Variants in BAG6 observed in about 807,000 individuals in gnomAD.
The protein encoded by BAG6 is large proline-rich protein BAG6.
A neutral mutation model predicts 121.0 loss-of-function variants in BAG6; 22 were observed. The ratio of observed to expected loss-of-function variants is 0.18; its 90% CI spans 0.13 to 0.26. The LOEUF is 0.26. Ranked by LOEUF, BAG6 falls within the 10% of genes least tolerant of loss-of-function variation. The pLI is 1.00. For synonymous variants in BAG6, 583 were observed against 584.6 expected (o/e 1.00, Z 0.04); for missense variants, 1,233 against 1,537.7 (o/e 0.80, Z 3.31).
At chr6:31,650,948 C>G (rs976803864) in intron 2 of BAG6, among the ~76,000 whole-genome samples, 19 of 152,194 alleles carry the variant, frequency 1.2e-4, no homozygotes, top group Non-Finnish European at 2.5e-4. Flanking sequence ...TATCAAGGAC[C>G]TATCTCCATT....
intron 4 of BAG6, 106 bp downstream of exon 4, chr6:31,649,093 C>G: frequency 1.3e-6 from 2 of 1,520,048 alleles, no homozygotes; most frequent in Non-Finnish European, 1.8e-6. Context: ...ACCACAGGGC[C>G]CCCTGAACCC....
intron 1 of BAG6, 63 bp downstream of exon 1, chr6:31,652,339 ACACACACACACACACACACACC>A (rs1407432121): frequency 1.3e-5 from 2 of 150,124 alleles, no homozygotes; most frequent in Non-Finnish European, 2.9e-5. Flanking sequence ...ACACACACAC[ACACACACACACACACACACACC>A]CACCACCCCG....
rs1391804566 is a variant in BAG6, at chr6:31,647,914, C to T, written c.553-88G>A. ...ACAGGAGACTGAACAGAGAAAGTAT[C>T]CTAACTAGACTCCCTGAAGGCATGG... On this transcript the variant is annotated intron_variant, in intron 6 of 25. Transcript: ENST00000676615. The T allele has an allele frequency of 4.2e-6, 6 of 1,421,328 alleles. No homozygotes were observed. The African/African-American group carries it at 4.4e-5, about 11-fold the overall frequency. The allele number at this position is 1,421,328 out of a possible 1,614,324, so 88.0% of individuals were successfully genotyped here. A position where few individuals can be genotyped will look rare whatever the true frequency, so the allele number is the denominator to read the frequency against.
At position 31,639,101 on chromosome 6, in the gene BAG6, C is replaced by T; in HGVS notation, c.*30G>A. On this transcript the variant is annotated 3_prime_UTR_variant, in exon 26 of 26. Coordinates refer to ENST00000676615, the MANE Select transcript of BAG6 (RefSeq NM_001387994.1). ...TGAAGGAAGAGGGGGGAAACGGTCCCCTGATGAGGAAGGGCCATAGAGCAA... is the reference window on the plus strand; with the variant it reads ...TGAAGGAAGAGGGGGGAAACGGTCCTCTGATGAGGAAGGGCCATAGAGCAA... 6.4e-7 allele frequency: 1 copy of T among 1,566,492 alleles called. No individual in the cohort carries two copies. Among genetic ancestry groups the T allele is most frequent in the Non-Finnish European group, 8.7e-7 (1 of 1,144,646 alleles).
In BAG6 at chr6:31,645,401, AC is replaced by A; in HGVS notation, c.1116+5del. ...TCTCCCTCAGGCCAGACTCCCCCTA[AC>A]CCACCTGTATGGGAATGGCTGCCTG... On this transcript the variant is annotated splice_donor_5th_base_variant and intron_variant, in intron 9 of 25. Coordinates refer to ENST00000676615, the MANE Select transcript of BAG6 (RefSeq NM_001387994.1). 6.2e-7 allele frequency: 1 copy of A among 1,612,898 alleles called. No homozygotes were observed.
rs1583321992 is a variant in BAG6, at chr6:31,642,483, C to A, written c.2044-80G>T. 5 of 700,582 alleles carry A rather than the reference C, an allele frequency of 7.1e-6. No homozygotes were observed. The East Asian group carries it at 1.4e-4, about 19-fold the overall frequency. The allele number at this position is 700,582 out of a possible 1,614,324, so 43.4% of individuals were successfully genotyped here. A position where few individuals can be genotyped will look rare whatever the true frequency, so the allele number is the denominator to read the frequency against. On this transcript the variant is annotated intron_variant, in intron 15 of 25. Transcript: ENST00000676615. ...CGGAAATAATACGGCATCAAGAGGG[C>A]ACAAACCAACGGGTCTGGGAAGATG...
Position 31,640,888 on chromosome 6 carries a change from A to G in BAG6, c.2838T>C (p.Thr946=). The change falls in exon 21 of 26, where the codon ACT becomes ACC. Residue 946 remains threonine, a synonymous_variant. Coordinates refer to ENST00000676615, the MANE Select transcript of BAG6 (RefSeq NM_001387994.1). This position sits in a 1 kb window ranked among gnomAD's most constrained non-coding sequence, Gnocchi z 4.2. ...VNPSLVSWLT[T]MMGLRLQVVL... is the part of the protein sequence containing the mutation. ...CCACCTGAAGCCTCAGTCCCATCAT[A>G]GTGGTCAGCCAGCTCACCAAGGAGG... 1 of 1,612,762 alleles carries G rather than the reference A, an allele frequency of 6.2e-7. No homozygotes were observed. The highest frequency in any genetic ancestry group is 8.5e-7 in the Non-Finnish European group (1 of 1,180,026).
At position 31,640,327 on chromosome 6, in the gene BAG6, T is replaced by G; in HGVS notation, c.3139-21A>C. On this transcript the variant is annotated intron_variant, in intron 23 of 25. Coordinates refer to ENST00000676615, the MANE Select transcript of BAG6 (RefSeq NM_001387994.1). The surrounding 1 kb of genome is among the most constrained non-coding windows in gnomAD (Gnocchi z 4.2). ...CATTCCTGGGGAGGAAAAGAGAAAATAGTAATGTCCTTGACTTTCAGCTGC... is the reference window on the plus strand; with the variant it reads ...CATTCCTGGGGAGGAAAAGAGAAAAGAGTAATGTCCTTGACTTTCAGCTGC... 6.2e-7 allele frequency: 1 copy of G among 1,614,002 alleles called. No individual in the cohort carries two copies. Among genetic ancestry groups the G allele is most frequent in the Non-Finnish European group, 8.5e-7 (1 of 1,180,004 alleles).
rs200095991 is a variant in BAG6, at chr6:31,647,750, A to G, written c.629T>C (p.Leu210Ser). The change falls in exon 7 of 26, where the codon TTG becomes TCG. Residue 210 changes from leucine (L) to serine (S), a missense_variant. This residue lies in a region of BAG6 where 777 missense variants were observed against 861.4 expected (regional missense o/e 0.90). Coordinates refer to ENST00000676615, the MANE Select transcript of BAG6 (RefSeq NM_001387994.1). ...AACTGGTTCTGATGTTTGAGAGCTC[A>G]AGGCTACTGGCTCCGGGGTCACAGC... is the stretch of plus-strand genomic sequence containing the variant. ...PPAVTPEPVALSSQTSEPVES... is the reference protein window; with the variant it reads ...PPAVTPEPVASSSQTSEPVES... 9.4e-6 allele frequency: 15 copies of G among 1,604,042 alleles called. No homozygotes were observed. The highest frequency in any genetic ancestry group is 1.7e-4 in the Middle Eastern group (1 of 6,032).
chr6:31,647,442 T>A, intron 7 of BAG6, 149 bp downstream of exon 7: 1 of 1,170,322 alleles, frequency 8.5e-7, no homozygotes, highest in Non-Finnish European at 1.2e-6. Flanking sequence ...CATTTACCTA[T>A]ACCGAGAGAG....
In BAG6 at chr6:31,644,853, T is replaced by C; in HGVS notation, c.1369+93A>G. On this transcript the variant is annotated intron_variant, in intron 10 of 25. Coordinates refer to ENST00000676615, the MANE Select transcript of BAG6 (RefSeq NM_001387994.1). This position sits in a 1 kb window ranked among gnomAD's most constrained non-coding sequence, Gnocchi z 4.9. Reference sequence around the variant, plus strand: ...TCCCCAGGCTACCACCACCAGCATGTGCCTCTCCCTTCCCCACCCTGTTCC... The same window carrying C: ...TCCCCAGGCTACCACCACCAGCATGCGCCTCTCCCTTCCCCACCCTGTTCC... The C allele has an allele frequency of 6.6e-7, 1 of 1,519,010 alleles. No individual in the cohort carries two copies. The highest frequency in any genetic ancestry group is 8.8e-7 in the Non-Finnish European group (1 of 1,130,510). 94.1% of individuals were successfully genotyped at this position (1,519,010 alleles called of 1,614,324 possible).
intron 5 of BAG6, 48 bp downstream of exon 5, chr6:31,648,863 C>A (rs778118724): frequency 1.1e-5 from 18 of 1,568,748 alleles, no homozygotes; most frequent in Non-Finnish European, 1.6e-5. Flanking sequence ...ACCTCCCAGC[C>A]TCCTTCTCCC....
At position 31,642,179 on chromosome 6, in the gene BAG6, A is replaced by T; in HGVS notation, c.2268T>A (p.Ile756=). The change falls in exon 16 of 26, where the codon ATT becomes ATA. Residue 756 remains isoleucine, a synonymous_variant. Transcript: ENST00000676615. ...LGARAGSSES[I]AAFIQRLSGS... The stretch of plus-strand genomic sequence containing the variant: ...CACTGAGGCGTTGTATGAAGGCAGC[A>T]ATACTTTCACTGCTGCCAGCCCGAG... 2 of 1,612,980 alleles carry T rather than the reference A, an allele frequency of 1.2e-6. No individual in the cohort carries two copies. The highest frequency in any genetic ancestry group is 1.7e-6 in the Non-Finnish European group (2 of 1,180,020).
Position 31,641,575 on chromosome 6 carries a change from C to T in BAG6, c.2523G>A (p.Leu841=), listed in dbSNP as rs754092764. 1 of 1,614,154 alleles carries T rather than the reference C, an allele frequency of 6.2e-7. No individual in the cohort carries two copies. ...PSNIRMATHT[L]ITGLEEYVRE... ...GCACATACTCTTCTAGCCCCGTGAT[C>T]AATGTGTGGGTTGCCATCTGTGGAG... The change falls in exon 18 of 26, where the codon TTG becomes TTA. Residue 841 remains leucine, a synonymous_variant. Transcript: ENST00000676615. The surrounding 1 kb of genome is among the most constrained non-coding windows in gnomAD (Gnocchi z 5.7).
rs535930956 is a variant in BAG6, at chr6:31,649,192, A to G, written c.423+7T>C. 1.2e-6 allele frequency: 2 copies of G among 1,612,958 alleles called. No homozygotes were observed. The highest frequency in any genetic ancestry group is 1.3e-5 in the African/African-American group (1 of 75,044). ...CAAAAGCCCTCCCCTGTGGAACATAAGCTTACAGGAAGATTGAAGGTTCCA... is the reference window on the plus strand; with the variant it reads ...CAAAAGCCCTCCCCTGTGGAACATAGGCTTACAGGAAGATTGAAGGTTCCA... On this transcript the variant is annotated splice_region_variant and intron_variant, in intron 4 of 25. Transcript: ENST00000676615.
Position 31,644,871 on chromosome 6 carries a change from C to T in BAG6, c.1369+75G>A. 2.0e-6 allele frequency: 3 copies of T among 1,534,070 alleles called. No individual in the cohort carries two copies. In the Admixed American group the frequency reaches 6.0e-5, roughly 31 times the overall value. ...CAGCATGTGCCTCTCCCTTCCCCACCCTGTTCCCTCACACCTCAGCATGAA... is the reference window on the plus strand; with the variant it reads ...CAGCATGTGCCTCTCCCTTCCCCACTCTGTTCCCTCACACCTCAGCATGAA... On this transcript the variant is annotated intron_variant, in intron 10 of 25. Coordinates refer to ENST00000676615, the MANE Select transcript of BAG6 (RefSeq NM_001387994.1). This position sits in a 1 kb window ranked among gnomAD's most constrained non-coding sequence, Gnocchi z 4.9.
At chr6:31,647,935 C>T (rs1363520429) in intron 6 of BAG6, 109 bp from the exon 7 acceptor site, 4 of 1,354,446 alleles carry the variant, frequency 3.0e-6, no homozygotes, top group Non-Finnish European at 3.8e-6. Context: ...TCCCTGAAGG[C>T]ATGGCTCTGC....
Position 31,644,765 on chromosome 6 carries a change from C to T in BAG6, c.1370-163G>A, listed in dbSNP as rs1787105413. Reference sequence around the variant, plus strand: ...AGGTACTCCCTTCACCACACAAACACACCTCCAAAGACAAACCAACCCCCA... The same window carrying T: ...AGGTACTCCCTTCACCACACAAACATACCTCCAAAGACAAACCAACCCCCA... On this transcript the variant is annotated intron_variant, in intron 10 of 25. Transcript: ENST00000676615. The surrounding 1 kb of genome is among the most constrained non-coding windows in gnomAD (Gnocchi z 4.9). The T allele has an allele frequency of 2.4e-6, 3 of 1,259,310 alleles. No individual in the cohort carries two copies. Among genetic ancestry groups the T allele is most frequent in the African/African-American group, 2.9e-5 (2 of 68,058 alleles). The allele number at this position is 1,259,310 out of a possible 1,614,324, so 78.0% of individuals were successfully genotyped here. A position where few individuals can be genotyped will look rare whatever the true frequency, so the allele number is the denominator to read the frequency against.
chr6:31,641,721 T>A lies in BAG6; in HGVS notation c.2505+55A>T. 1.2e-6 allele frequency: 2 copies of A among 1,611,450 alleles called. No homozygotes were observed. Among genetic ancestry groups the A allele is most frequent in the Non-Finnish European group, 1.7e-6 (2 of 1,178,116 alleles). On this transcript the variant is annotated intron_variant, in intron 17 of 25. Transcript: ENST00000676615. This position sits in a 1 kb window ranked among gnomAD's most constrained non-coding sequence, Gnocchi z 5.7. ...TACCTGGCAGAGAAGCAGTCAGAAA[T>A]AAGGAATAAAATGTGCAAAAGAGGA...
Sources: allele counts gnomAD v4.1 joint callset (sites outside exome capture counted in the v4.1 genomes callset), GRCh38; gene constraint gnomAD v4.1.1; regional missense constraint gnomAD v4.1.1; non-coding constraint Gnocchi (gnomAD v3.1); transcripts MANE v1.5; gene names NCBI Gene and HGNC (gene_info 2026-07-23, HGNC 2026-07-21).